The following ZDHHC14 variants were observed in gnomAD, a reference collection of about 807,000 sequenced individuals.
ZDHHC14 encodes zDHHC palmitoyltransferase 14.
Under a neutral mutation model 47.7 loss-of-function variants are expected in ZDHHC14, and 16 were observed. The observed-to-expected ratio is 0.34, with a 90% CI of 0.23 to 0.51. The LOEUF (loss-of-function observed/expected upper bound fraction) is 0.51, where lower values mean the gene tolerates loss of function less well. Ranked by LOEUF, ZDHHC14 falls within the 20% of genes least tolerant of loss-of-function variation. The pLI, the probability that ZDHHC14 is intolerant of heterozygous loss-of-function variation, is 0.97. For synonymous variants in ZDHHC14, 293 were observed against 278.9 expected, an observed-to-expected ratio of 1.05 and a Z score of -0.50; for missense variants, 515 against 662.5, an observed-to-expected ratio of 0.78 and a Z score of 2.44.
intron 1 of ZDHHC14, among the ~76,000 whole-genome samples, chr6:157,407,045 A>G (rs572295003): frequency 6.6e-6 from 1 of 152,354 alleles, no homozygotes; most frequent in South Asian, 2.1e-4. Context: ...AAGAATTTCT[A>G]TAAATGTAAT....
chr6:157,466,727 A>T (rs1006757359), intron 1 of ZDHHC14, among the ~76,000 whole-genome samples: 2 of 152,064 alleles, frequency 1.3e-5, no homozygotes, highest in African/African-American at 4.8e-5. Context: ...AATTCCAGCT[A>T]CGTGGGAGGC....
At chr6:157,612,136 A>G (rs1199655758) in intron 3 of ZDHHC14, among the ~76,000 whole-genome samples, 1 of 152,102 alleles carries the variant, frequency 6.6e-6, no homozygotes, top group Non-Finnish European at 1.5e-5. Context: ...CACCTAATCC[A>G]TCACCAGGCT....
rs536421659 is a variant in ZDHHC14 at position 157,413,595 on chromosome 6, T to C, written c.245+31329T>C. On this transcript the variant is annotated intron_variant, in intron 1 of 8. Transcript: ENST00000359775. ...AGCTTTTCTTCCTTCCTTTCTTTTTTTTTTTTTAAGTCAGAAGGCAGCCAA... is the reference window on the plus strand; with the variant it reads ...AGCTTTTCTTCCTTCCTTTCTTTTTCTTTTTTTAAGTCAGAAGGCAGCCAA... Among the ~76,000 whole-genome samples, 9 of 152,232 alleles carry C rather than the reference T, an allele frequency of 5.9e-5. No individual in the cohort carries two copies. In the East Asian group the frequency reaches 1.5e-3, roughly 26 times the overall value.
At chr6:157,437,847 G>A (rs563798627) in intron 1 of ZDHHC14, among the ~76,000 whole-genome samples, 11 of 152,096 alleles carry the variant, frequency 7.2e-5, no homozygotes, top group South Asian at 2.1e-4. Flanking sequence ...TTTTACAGAA[G>A]AAGGACAAGT....
At chr6:157,505,101 T>C (rs1225597617) in intron 1 of ZDHHC14, among the ~76,000 whole-genome samples, 2 of 152,236 alleles carry the variant, frequency 1.3e-5, no homozygotes, top group African/African-American at 4.8e-5. Context: ...TGAGCCACCA[T>C]GTCTGGCCAA....
chr6:157,610,998 A>G (rs1346295109), intron 3 of ZDHHC14, among the ~76,000 whole-genome samples: 1 of 152,196 alleles, frequency 6.6e-6, no homozygotes, highest in East Asian at 1.9e-4. Context: ...CCATGAATAA[A>G]TGCACATTTT....
At chr6:157,433,045 C>T (rs566966880) in intron 1 of ZDHHC14, among the ~76,000 whole-genome samples, 17 of 152,374 alleles carry the variant, frequency 1.1e-4, no homozygotes, top group African/African-American at 3.8e-4. Flanking sequence ...AGCATCTCAC[C>T]GCCCAAGAGC....
chr6:157,557,649 G>A (rs1782529663), intron 2 of ZDHHC14, among the ~76,000 whole-genome samples: 1 of 152,204 alleles, frequency 6.6e-6, no homozygotes, highest in African/African-American at 2.4e-5. Context: ...AGACAAGGAA[G>A]GGGTTTGTGG....
intron 1 of ZDHHC14, among the ~76,000 whole-genome samples, chr6:157,485,978 A>G (rs1779770169): frequency 6.6e-6 from 1 of 152,208 alleles, no homozygotes; most frequent in African/African-American, 2.4e-5. Flanking sequence ...AGGCCACTGC[A>G]CTCCACCCTG....
intron 3 of ZDHHC14, among the ~76,000 whole-genome samples, chr6:157,614,006 C>T (rs939105323): frequency 1.1e-4 from 16 of 152,232 alleles, no homozygotes. Flanking sequence ...TATCCTTCTT[C>T]CTTGGTAAAC....
intron 1 of ZDHHC14, among the ~76,000 whole-genome samples, chr6:157,541,200 A>G (rs2114802244): frequency 6.6e-6 from 1 of 152,118 alleles, no homozygotes; most frequent in South Asian, 2.1e-4. Context: ...ACATCTCCTC[A>G]TGCTAGGAAA....
Position 157,663,110 on chromosome 6 carries a change from G to A in ZDHHC14, c.1068+9483G>A, listed in dbSNP as rs111482143. Among the ~76,000 whole-genome samples the A allele has an allele frequency of 4.4e-3, 672 of 152,308 alleles. 5 individuals carry two copies. Among genetic ancestry groups the A allele is most frequent in the South Asian group, 0.016 (75 of 4,826 alleles). On this transcript the variant is annotated intron_variant, in intron 8 of 8. Coordinates refer to ENST00000359775, the MANE Select transcript of ZDHHC14 (RefSeq NM_024630.3). ...TAAATTTAAAAGTCTAATTAGCTTG[G>A]AGTCCCATGCCCTCCCTACACTGCC...
intron 2 of ZDHHC14, among the ~76,000 whole-genome samples, chr6:157,571,499 T>C (rs575083785): frequency 9.0e-4 from 137 of 152,332 alleles, no homozygotes; most frequent in African/African-American, 1.7e-3. Context: ...GCCTGGCTGT[T>C]TTACTGGGCA....
At position 157,487,568 on chromosome 6, in the gene ZDHHC14, C is replaced by T. The variant is rs138629605; in HGVS notation, c.246-55017C>T. ...ATGATTAATATCCTTCATGTACAGACGCTGACTGGCCTAAGGCCATACAGT... is the reference window on the plus strand; with the variant it reads ...ATGATTAATATCCTTCATGTACAGATGCTGACTGGCCTAAGGCCATACAGT... On this transcript the variant is annotated intron_variant, in intron 1 of 8. Coordinates refer to ENST00000359775, the MANE Select transcript of ZDHHC14 (RefSeq NM_024630.3). Among the ~76,000 whole-genome samples, 350 of 152,310 alleles carry T rather than the reference C, an allele frequency of 2.3e-3. 1 individual carries two copies. Among genetic ancestry groups the T allele is most frequent in the Non-Finnish European group, 3.5e-3 (239 of 68,032 alleles).
intron 5 of ZDHHC14, among the ~76,000 whole-genome samples, chr6:157,640,882 C>T (rs1386693632): frequency 2.0e-5 from 3 of 152,218 alleles, no homozygotes; most frequent in Non-Finnish European, 2.9e-5. Flanking sequence ...ACCCTTCCTC[C>T]GTTCTGCTGT....
intron 1 of ZDHHC14, among the ~76,000 whole-genome samples, chr6:157,479,668 G>A (rs1286504229): frequency 6.6e-6 from 1 of 152,246 alleles, no homozygotes; most frequent in South Asian, 2.1e-4. Flanking sequence ...GCATGGAGGT[G>A]TTTACCTTTA....
chr6:157,405,468 G>A (rs1186170307), intron 1 of ZDHHC14, among the ~76,000 whole-genome samples: 9 of 152,056 alleles, frequency 5.9e-5, no homozygotes, highest in Non-Finnish European at 8.8e-5. Context: ...TCCTGACCTC[G>A]TGATCCACCC....
chr6:157,584,901 C>A (rs1783632627), intron 2 of ZDHHC14, among the ~76,000 whole-genome samples: 2 of 152,150 alleles, frequency 1.3e-5, no homozygotes, highest in Admixed American at 6.5e-5. Flanking sequence ...GTATAAAAAT[C>A]TCCTTGAAAA....
At chr6:157,441,041 C>G (rs996757006) in intron 1 of ZDHHC14, among the ~76,000 whole-genome samples, 1 of 152,076 alleles carries the variant, frequency 6.6e-6, no homozygotes, top group Non-Finnish European at 1.5e-5. Context: ...TCAGTGTAAA[C>G]CCAGAGGAAA....
Sources: allele counts gnomAD v4.1 joint callset (sites outside exome capture counted in the v4.1 genomes callset), GRCh38; gene constraint gnomAD v4.1.1; transcripts MANE v1.5; gene names NCBI Gene and HGNC (gene_info 2026-07-23, HGNC 2026-07-21).